The following MMAA variants were observed in gnomAD, a reference collection of about 807,000 sequenced individuals.
MMAA encodes methylmalonic aciduria type A protein, mitochondrial.
A neutral mutation model predicts 45.0 loss-of-function variants in MMAA; 41 were observed. The ratio of observed to expected loss-of-function variants is 0.91; its 90% confidence interval spans 0.71 to 1.18. The LOEUF (loss-of-function observed/expected upper bound fraction) is 1.18, where lower values mean the gene tolerates loss of function less well. MMAA is among the 50% of genes most tolerant of loss of function. The pLI is 0.00. For missense variants in MMAA, 460 were observed against 495.7 expected (o/e 0.93, Z 0.68); for synonymous variants, 154 against 178.2 (o/e 0.86, Z 1.08).
chr4:145,646,457 A>G, intron 4 of MMAA: 1 of 338,412 alleles, frequency 3.0e-6, no homozygotes. Flanking sequence ...CTTTGGCACA[A>G]CACCTATTTT....
chr4:145,639,433 G>A lies in MMAA; in HGVS notation c.294G>A (p.Arg98=), dbSNP rs747694093. 1.2e-6 allele frequency: 2 copies of A among 1,614,084 alleles called. No homozygotes were observed. The highest frequency in any genetic ancestry group is 2.2e-5 in the South Asian group (2 of 91,062). Residue 98 remains arginine (R), a synonymous_variant, in exon 2 of 7, where the codon AGG becomes AGA. Transcript: ENST00000649156. ...KLYTGLIQGQ[R]ACLAEAITLV... ...ATACTGGTTTAATCCAAGGGCAAAG[G>A]GCCTGTTTAGCAGAGGCCATAACTC... is the stretch of plus-strand genomic sequence containing the variant.
chr4:145,628,935 A>G (rs1009317349), intron 1 of MMAA, among the ~76,000 whole-genome samples: 4 of 152,088 alleles, frequency 2.6e-5, no homozygotes, highest in Non-Finnish European at 5.9e-5. Context: ...AACATTTTTG[A>G]AAAAGGTGTC....
Position 145,645,678 on chromosome 4 carries a change from C to A in MMAA, c.563-308C>A, listed in dbSNP as rs540978076. On this transcript the variant is annotated intron_variant, in intron 3 of 6. Coordinates refer to ENST00000649156, the MANE Select transcript of MMAA (RefSeq NM_172250.3). ...TGTTAAGATGACAGTAAAGTAACCA[C>A]CCTGGTTGGAACAGAGGATTGGTGT... 7.9e-5 allele frequency among the ~76,000 whole-genome samples: 12 copies of A among 152,314 alleles called. No homozygotes were observed. In the East Asian group the frequency reaches 1.7e-3, roughly 22 times the overall value.
intron 1 of MMAA, among the ~76,000 whole-genome samples, chr4:145,632,809 G>A (rs1250626407): frequency 6.6e-6 from 1 of 151,296 alleles, no homozygotes; most frequent in Non-Finnish European, 1.5e-5. Flanking sequence ...CCAGGCTGGA[G>A]TGTAGTGGTG....
intron 1 of MMAA, among the ~76,000 whole-genome samples, chr4:145,622,603 G>T (rs1358494271): frequency 6.6e-6 from 1 of 152,074 alleles, no homozygotes; most frequent in East Asian, 1.9e-4. Context: ...ATTATTTTAT[G>T]GCTGTTATGC....
intron 1 of MMAA, chr4:145,624,307 A>G (rs1344801707): frequency 2.5e-6 from 2 of 793,260 alleles, no homozygotes; most frequent in South Asian, 1.3e-5. Context: ...TAATACTTCT[A>G]GGTCTTCTTT....
chr4:145,624,909 T>G, intron 1 of MMAA: 1 of 1,521,500 alleles, frequency 6.6e-7, no homozygotes, highest in South Asian at 1.1e-5. Flanking sequence ...CCCCAAGTGG[T>G]CATGCAGGCA....
At chr4:145,648,147 CTT>C (rs79060790) in intron 4 of MMAA, among the ~76,000 whole-genome samples, 49 of 125,078 alleles carry the variant, frequency 3.9e-4, no homozygotes, top group African/African-American at 3.0e-4. Flanking sequence ...CGTGCCTGGC[CTT>C]TTTTTTTTTT....
chr4:145,649,834 C>T (rs1245956119), intron 4 of MMAA, among the ~76,000 whole-genome samples: 1 of 151,928 alleles, frequency 6.6e-6, no homozygotes, highest in Non-Finnish European at 1.5e-5. Flanking sequence ...CACAGCAGTA[C>T]AATCACAGCT....
chr4:145,624,428 G>T, intron 1 of MMAA: 2 of 790,650 alleles, frequency 2.5e-6, no homozygotes, highest in Non-Finnish European at 4.4e-6. Flanking sequence ...TGCTCATGGG[G>T]CTTTTTAGCT....
rs887290820 is a variant in MMAA, at chr4:145,656,032, T to C, written c.*598T>C. The C allele has an allele frequency of 8.5e-5, 13 of 152,262 alleles. No individual in the cohort carries two copies. The highest frequency in any genetic ancestry group is 2.9e-4 in the African/African-American group (12 of 41,540). The allele number at this position is 152,262 out of a possible 1,614,324, so 9.4% of individuals were successfully genotyped here. On this transcript the variant is annotated 3_prime_UTR_variant, in exon 7 of 7. Coordinates refer to ENST00000649156, the MANE Select transcript of MMAA (RefSeq NM_172250.3). Reference sequence around the variant, plus strand: ...ACCCTTCCGCCACCCCCCAACATGATAGGTAAGAGAGCAAAAGGGAACTGG... The same window carrying C: ...ACCCTTCCGCCACCCCCCAACATGACAGGTAAGAGAGCAAAAGGGAACTGG...
chr4:145,655,238 A>C lies in MMAA; in HGVS notation c.1061A>C (p.Glu354Ala). 1 of 1,614,070 alleles carries C rather than the reference A, an allele frequency of 6.2e-7. No homozygotes were observed. Among genetic ancestry groups the C allele is most frequent in the Non-Finnish European group, 8.5e-7 (1 of 1,179,998 alleles). ...CAGGACCTAATGCTTGCCAGTGGGGAGCTGACTGCCAAACGACGGAAGCAA... is the reference window on the plus strand; with the variant it reads ...CAGGACCTAATGCTTGCCAGTGGGGCGCTGACTGCCAAACGACGGAAGCAA... ...DFQDLMLASG[E>A]LTAKRRKQQK... is the part of the protein sequence containing the mutation. Residue 354 changes from glutamate (E) to alanine (A), a missense_variant, in exon 7 of 7, where the codon GAG (glutamate) becomes GCG (alanine). Physicochemically the swap from Glu to Ala is moderately radical, Grantham distance 107. Transcript: ENST00000649156.
chr4:145,638,177 G>T (rs893101443), intron 1 of MMAA, among the ~76,000 whole-genome samples: 2 of 152,118 alleles, frequency 1.3e-5, no homozygotes, highest in Non-Finnish European at 2.9e-5. Flanking sequence ...AGAGCGTCCT[G>T]GCTAACACAG....
At chr4:145,649,022 CTT>C (rs1270283006) in intron 4 of MMAA, among the ~76,000 whole-genome samples, 4 of 151,046 alleles carry the variant, frequency 2.6e-5, no homozygotes, top group Non-Finnish European at 1.5e-5. Context: ...GGCATGGTGG[CTT>C]ACACCTGTAG....
chr4:145,626,502 G>A (rs948509695), intron 1 of MMAA, among the ~76,000 whole-genome samples: 8 of 152,084 alleles, frequency 5.3e-5, no homozygotes, highest in Admixed American at 3.3e-4. Context: ...TAAAAACTTA[G>A]CACTCGAAAT....
intron 1 of MMAA, chr4:145,625,767 T>C: frequency 8.0e-7 from 1 of 1,256,920 alleles, no homozygotes. Flanking sequence ...GTAGAGCTGC[T>C]GAGCCTGCTG....
intron 4 of MMAA, among the ~76,000 whole-genome samples, chr4:145,650,043 A>T (rs535340294): frequency 3.0e-4 from 46 of 152,354 alleles, no homozygotes; most frequent in African/African-American, 9.9e-4. Context: ...GGAAGGAGTC[A>T]GCATAAATTA....
chr4:145,634,975 A>G (rs1367466000), intron 1 of MMAA, among the ~76,000 whole-genome samples: 1 of 151,846 alleles, frequency 6.6e-6, no homozygotes, highest in Non-Finnish European at 1.5e-5. Flanking sequence ...TCAAGCAGAA[A>G]GAAGGTGTCT....
intron 2 of MMAA, 134 bp downstream of exon 2, chr4:145,639,712 G>A (rs1727730007): frequency 1.4e-6 from 2 of 1,427,318 alleles, no homozygotes; most frequent in South Asian, 3.2e-5. Flanking sequence ...TTTTAAATGA[G>A]TTTTCCTGGC....
Sources: gnomAD v4.1 joint callset for allele counts (sites outside exome capture counted in the v4.1 genomes callset) on GRCh38, gnomAD v4.1.1 for gene constraint, MANE v1.5 for transcripts, NCBI Gene and HGNC (gene_info 2026-07-23, HGNC 2026-07-21) for gene names.